Variants in EDAR observed in about 807,000 individuals in gnomAD.
The protein encoded by EDAR is ectodysplasin A receptor.
Under a neutral mutation model 51.3 loss-of-function variants are expected in EDAR, and 38 were observed. That is an observed-to-expected ratio of 0.74 (90% CI 0.57 to 0.97). The LOEUF (loss-of-function observed/expected upper bound fraction) is 0.97, where lower values mean the gene tolerates loss of function less well. Ranked by LOEUF, EDAR falls within the 50% of genes least tolerant of loss-of-function variation. The pLI is 0.00. For synonymous variants in EDAR, 227 were observed against 242.1 expected (o/e 0.94, Z 0.58); for missense variants, 528 against 595.0 (o/e 0.89, Z 1.17).
chr2:108,895,878 C>T lies in EDAR; in HGVS notation c.*1029G>A, dbSNP rs930137796. The T allele has an allele frequency of 6.6e-6, 1 of 152,250 alleles. No individual in the cohort carries two copies. The highest frequency in any genetic ancestry group is 2.4e-5 in the African/African-American group (1 of 41,460). The allele number at this position is 152,250 out of a possible 1,614,324, so 9.4% of individuals were successfully genotyped here. ...CATGCCATGAGGCTAATCCACAAGT[C>T]TTAGATGCTCTTGAAATCTAGAATT... On this transcript the variant is annotated 3_prime_UTR_variant, in exon 12 of 12. Coordinates refer to ENST00000258443, the MANE Select transcript of EDAR (RefSeq NM_022336.4).
chr2:108,909,614 T>C (rs1052358583), intron 9 of EDAR, among the ~76,000 whole-genome samples: 3 of 152,226 alleles, frequency 2.0e-5, no homozygotes, highest in Admixed American at 6.5e-5. Context: ...GGCAGAGGCC[T>C]GGCAGGGGGG....
intron 11 of EDAR, among the ~76,000 whole-genome samples, chr2:108,900,572 A>C (rs1419819450): frequency 5.4e-5 from 1 of 18,568 alleles, no homozygotes; most frequent in African/African-American, 6.7e-5. Flanking sequence ...AAAAAAAAAA[A>C]ACAAAAAACC....
At chr2:108,930,316 T>C (rs1697342604) in intron 2 of EDAR, 74 bp from the exon 3 acceptor site, 13 of 1,604,220 alleles carry the variant, frequency 8.1e-6, no homozygotes, top group African/African-American at 1.3e-5. Context: ...GACCCCAAGG[T>C]TGACATAGGA....
intron 1 of EDAR, among the ~76,000 whole-genome samples, chr2:108,957,384 A>T (rs1304900542): frequency 6.6e-6 from 1 of 152,264 alleles, no homozygotes; most frequent in Non-Finnish European, 1.5e-5. Flanking sequence ...AGTCGGGGGC[A>T]GGTAATGACA....
At chr2:108,915,033 C>T (rs1199734753) in intron 5 of EDAR, among the ~76,000 whole-genome samples, 1 of 152,248 alleles carries the variant, frequency 6.6e-6, no homozygotes, top group Non-Finnish European at 1.5e-5. Context: ...CCACCTCAGC[C>T]TCCTGAGATG....
At chr2:108,916,515 G>A (rs1038743613) in intron 5 of EDAR, among the ~76,000 whole-genome samples, 3 of 152,002 alleles carry the variant, frequency 2.0e-5, no homozygotes, top group Non-Finnish European at 2.9e-5. Flanking sequence ...ACCCACAGGC[G>A]CCCACCTGCC....
In EDAR at chr2:108,907,986, C is replaced by T. The variant is rs1257434901; in HGVS notation, c.837G>A (p.Leu279=). The change falls in exon 10 of 12, where the codon CTG becomes CTA. Residue 279 remains leucine, a synonymous_variant. Coordinates refer to ENST00000258443, the MANE Select transcript of EDAR (RefSeq NM_022336.4). The part of the protein sequence containing the change: ...ENDASSENEQ[L]LSRSVDSDEE... ...CATCACTGTCGACGCTCCGGCTCAG[C>T]AGCTGCTCATTCTCGGATGAGGCAT... 7 of 1,611,294 alleles carry T rather than the reference C, an allele frequency of 4.3e-6. No homozygotes were observed. The highest frequency in any genetic ancestry group is 4.5e-5 in the East Asian group (2 of 44,778).
intron 5 of EDAR, 62 bp from the exon 6 acceptor site, chr2:108,912,826 A>ACAGAGCT: frequency 7.3e-7 from 1 of 1,372,652 alleles, no homozygotes; most frequent in Admixed American, 2.0e-5. Context: ...AGACGCTGCC[A>ACAGAGCT]CAGAGCTCAT....
At chr2:108,931,368 A>G (rs1296866368) in intron 1 of EDAR, among the ~76,000 whole-genome samples, 2 of 152,198 alleles carry the variant, frequency 1.3e-5, no homozygotes, top group Non-Finnish European at 2.9e-5. Flanking sequence ...TTAAGTCTGG[A>G]GTCCTCCAGG....
chr2:108,949,803 C>T (rs1468923085), intron 1 of EDAR, among the ~76,000 whole-genome samples: 6 of 152,264 alleles, frequency 3.9e-5, no homozygotes, highest in African/African-American at 1.4e-4. Context: ...AGGTATGTAG[C>T]CAATGATTTA....
chr2:108,910,661 CACAGTA>C, intron 8 of EDAR, 109 bp downstream of exon 8: 1 of 1,431,754 alleles, frequency 7.0e-7, no homozygotes, highest in Non-Finnish European at 9.8e-7. Flanking sequence ...CCACGGTAAG[CACAGTA>C]TGGTTCAGCA....
rs1473431120 is a variant in EDAR at position 108,909,335 on chromosome 2, C to T, written c.803+1125G>A. Among the ~76,000 whole-genome samples, 13 of 152,264 alleles carry T rather than the reference C, an allele frequency of 8.5e-5. No individual in the cohort carries two copies. In the South Asian group the frequency reaches 1.5e-3, roughly 17 times the overall value. On this transcript the variant is annotated intron_variant, in intron 9 of 11. Coordinates refer to ENST00000258443, the MANE Select transcript of EDAR (RefSeq NM_022336.4). ...TCTAGGGAGGCCCTATTTAAGAGTT[C>T]CATGCAGGGTGACCAGGTCCTGCCC...
chr2:108,972,763 T>A (rs1476250168), intron 1 of EDAR, among the ~76,000 whole-genome samples: 1 of 152,228 alleles, frequency 6.6e-6, no homozygotes, highest in Non-Finnish European at 1.5e-5. Flanking sequence ...ATGCAGATGC[T>A]GAGACTCAGA....
chr2:108,982,941 C>G (rs1698441619), intron 1 of EDAR, among the ~76,000 whole-genome samples: 2 of 152,174 alleles, frequency 1.3e-5, no homozygotes, highest in Non-Finnish European at 2.9e-5. Context: ...CTCTCTCTCT[C>G]CAAATCTCTC....
At chr2:108,933,892 G>A (rs574829375) in intron 1 of EDAR, among the ~76,000 whole-genome samples, 3 of 152,114 alleles carry the variant, frequency 2.0e-5, no homozygotes, top group African/African-American at 7.2e-5. Flanking sequence ...CCTGGACTTG[G>A]CTTCAGGATG....
rs556979235 is a variant in EDAR at position 108,909,136 on chromosome 2, T to C, written c.804-1117A>G. ...AATATTCGTGTATGAAAGCAGTATATATTTTTTCCTAATAGGGCCTCCAAA... is the reference window on the plus strand; with the variant it reads ...AATATTCGTGTATGAAAGCAGTATACATTTTTTCCTAATAGGGCCTCCAAA... On this transcript the variant is annotated intron_variant, in intron 9 of 11. Coordinates refer to ENST00000258443, the MANE Select transcript of EDAR (RefSeq NM_022336.4). Among the ~76,000 whole-genome samples the C allele has an allele frequency of 1.2e-4, 19 of 152,338 alleles. No individual in the cohort carries two copies. In the South Asian group the frequency reaches 3.7e-3, roughly 30 times the overall value.
At chr2:108,911,144 C>T (rs765958662) in intron 6 of EDAR, 72 bp from the exon 7 acceptor site, 64 of 1,584,492 alleles carry the variant, frequency 4.0e-5, no homozygotes, top group Non-Finnish European at 5.5e-5. Flanking sequence ...AGGACTCCGG[C>T]CCCTGGAAGC....
chr2:108,975,603 T>C (rs1407956136), intron 1 of EDAR, among the ~76,000 whole-genome samples: 1 of 151,950 alleles, frequency 6.6e-6, no homozygotes, highest in Non-Finnish European at 1.5e-5. Flanking sequence ...GGCAGCAGCT[T>C]TGGGGAGGCA....
At chr2:108,948,096 T>G (rs949246428) in intron 1 of EDAR, among the ~76,000 whole-genome samples, 6 of 152,232 alleles carry the variant, frequency 3.9e-5, no homozygotes, top group African/African-American at 1.2e-4. Context: ...CCAGATGCCC[T>G]AAATCATCTC....
Sources: allele counts gnomAD v4.1 joint callset (sites outside exome capture counted in the v4.1 genomes callset), GRCh38; gene constraint gnomAD v4.1.1; transcripts MANE v1.5; gene names NCBI Gene and HGNC (gene_info 2026-07-23, HGNC 2026-07-21).